Variants in GULP1 observed in about 807,000 individuals in gnomAD.
GULP1 encodes GULP PTB domain containing engulfment adaptor 1, also known as PTB domain-containing engulfment adapter protein 1.
In GULP1, 19 loss-of-function variants were observed where a neutral mutation model predicts 40.9. The ratio of observed to expected loss-of-function variants is 0.46; its 90% CI spans 0.32 to 0.68. The LOEUF (loss-of-function observed/expected upper bound fraction) is 0.68, where lower values mean the gene tolerates loss of function less well. Ranked by LOEUF, GULP1 falls within the 30% of genes least tolerant of loss-of-function variation. GULP1 has a pLI of 0.03. For synonymous variants in GULP1, 119 were observed against 117.6 expected, an observed-to-expected ratio of 1.01 and a Z score of -0.08; for missense variants, 312 against 362.2, an observed-to-expected ratio of 0.86 and a Z score of 1.12.
intron 4 of GULP1, among the ~76,000 whole-genome samples, chr2:188,513,634 A>G (rs1242210307): frequency 2.6e-5 from 4 of 152,146 alleles, no homozygotes; most frequent in Non-Finnish European, 4.4e-5. Context: ...TTCTTAGTGA[A>G]CATATATTAA....
chr2:188,539,970 C>A (rs543587479), intron 6 of GULP1, among the ~76,000 whole-genome samples: 1 of 152,058 alleles, frequency 6.6e-6, no homozygotes, highest in South Asian at 2.1e-4. Context: ...TTGTGCTACA[C>A]GTTGTCTGAA....
At chr2:188,316,281 C>T (rs897197958) in intron 1 of GULP1, among the ~76,000 whole-genome samples, 3 of 152,260 alleles carry the variant, frequency 2.0e-5, no homozygotes, top group Non-Finnish European at 1.5e-5. Context: ...GAATTACAGT[C>T]TCTTTGGCTA....
chr2:188,390,952 C>G (rs980864585), intron 2 of GULP1, among the ~76,000 whole-genome samples: 2 of 152,036 alleles, frequency 1.3e-5, no homozygotes, highest in Non-Finnish European at 2.9e-5. Flanking sequence ...TTTCTGTCTT[C>G]TCTATTATGG....
intron 4 of GULP1, among the ~76,000 whole-genome samples, chr2:188,519,052 TA>T (rs561295732): frequency 6.8e-4 from 103 of 152,190 alleles, no homozygotes; most frequent in African/African-American, 2.2e-3. Context: ...TTTTTGTAAT[TA>T]AAAAAATACA....
At chr2:188,543,569 C>T (rs1239349272) in intron 7 of GULP1, among the ~76,000 whole-genome samples, 1 of 152,022 alleles carries the variant, frequency 6.6e-6, no homozygotes, top group Non-Finnish European at 1.5e-5. Context: ...GATATGCCAT[C>T]TTATGTAATT....
intron 2 of GULP1, among the ~76,000 whole-genome samples, chr2:188,476,564 C>A (rs1398812011): frequency 6.6e-6 from 1 of 151,768 alleles, no homozygotes; most frequent in Non-Finnish European, 1.5e-5. Context: ...TGGTTGAATT[C>A]TAAAAATGAA....
chr2:188,409,333 T>A (rs1009699041), intron 2 of GULP1, among the ~76,000 whole-genome samples: 1 of 152,112 alleles, frequency 6.6e-6, no homozygotes, highest in Admixed American at 6.6e-5. Context: ...AACAACAATA[T>A]AACAATAACT....
At chr2:188,343,103 A>G (rs1402214219) in intron 1 of GULP1, among the ~76,000 whole-genome samples, 1 of 152,168 alleles carries the variant, frequency 6.6e-6, no homozygotes, top group Admixed American at 6.5e-5. Context: ...ACTAAAGTTG[A>G]CATCAGACAA....
At chr2:188,364,482 G>T (rs1446793236) in intron 1 of GULP1, among the ~76,000 whole-genome samples, 1 of 152,146 alleles carries the variant, frequency 6.6e-6, no homozygotes, top group Non-Finnish European at 1.5e-5. Context: ...AGGGAAGGAT[G>T]AAGAGGGAGC....
intron 4 of GULP1, among the ~76,000 whole-genome samples, chr2:188,502,179 A>G (rs1486858997): frequency 2.0e-5 from 2 of 100,384 alleles, no homozygotes; most frequent in Non-Finnish European, 4.2e-5. Flanking sequence ...ATAGATGTTT[A>G]TAAAACTGGT....
intron 4 of GULP1, among the ~76,000 whole-genome samples, chr2:188,498,222 A>G (rs1223537000): frequency 6.6e-6 from 1 of 151,954 alleles, no homozygotes; most frequent in East Asian, 1.9e-4. Flanking sequence ...TTACCGGTTC[A>G]GTGTAGCTGG....
At chr2:188,463,999 C>T (rs1402958652) in intron 2 of GULP1, among the ~76,000 whole-genome samples, 2 of 152,020 alleles carry the variant, frequency 1.3e-5, no homozygotes, top group Non-Finnish European at 2.9e-5. Flanking sequence ...CTCTGTTTCT[C>T]CAGGATTGTT....
chr2:188,561,958 A>G (rs1400766150), intron 7 of GULP1, among the ~76,000 whole-genome samples: 1 of 152,102 alleles, frequency 6.6e-6, no homozygotes, highest in Non-Finnish European at 1.5e-5. Context: ...TGGCACTTGT[A>G]TTCTACCCGG....
At chr2:188,394,612 A>G (rs1012097445) in intron 2 of GULP1, among the ~76,000 whole-genome samples, 6 of 152,034 alleles carry the variant, frequency 3.9e-5, no homozygotes, top group Non-Finnish European at 1.5e-5. Context: ...CTGTTTTGTC[A>G]TATTGCCAGA....
intron 4 of GULP1, among the ~76,000 whole-genome samples, chr2:188,492,827 G>C (rs1451845754): frequency 6.6e-6 from 1 of 151,946 alleles, no homozygotes; most frequent in Admixed American, 6.6e-5. Context: ...GATTATGAAA[G>C]TCATTAAGTG....
chr2:188,296,598 C>T (rs1405485513), intron 1 of GULP1, among the ~76,000 whole-genome samples: 1 of 151,820 alleles, frequency 6.6e-6, no homozygotes, highest in Non-Finnish European at 1.5e-5. Flanking sequence ...GAAAAGGCTG[C>T]CCTAATTTGC....
intron 11 of GULP1, chr2:188,591,470 G>A (rs1191706209): frequency 2.6e-5 from 4 of 151,622 alleles, no homozygotes; most frequent in Admixed American, 6.6e-5. Context: ...CAATCTCTGC[G>A]AATAAAAATA....
chr2:188,491,401 A>T (rs2153096563), intron 4 of GULP1: 1 of 152,204 alleles, frequency 6.6e-6, no homozygotes, highest in East Asian at 1.9e-4. Context: ...ACAGGTGAGC[A>T]TGTTTTTTTT....
chr2:188,318,886 A>G (rs1243013292), intron 1 of GULP1, among the ~76,000 whole-genome samples: 1 of 152,168 alleles, frequency 6.6e-6, no homozygotes, highest in Non-Finnish European at 1.5e-5. Context: ...TACCACCTCA[A>G]TAGAGGCTCC....
Sources: gnomAD v4.1 joint callset for allele counts (sites outside exome capture counted in the v4.1 genomes callset) on GRCh38, gnomAD v4.1.1 for gene constraint, MANE v1.5 for transcripts, NCBI Gene and HGNC (gene_info 2026-07-23, HGNC 2026-07-21) for gene names.